The following C10orf90 variants were observed in gnomAD, a reference collection of about 807,000 sequenced individuals.
C10orf90 encodes (E2-independent) E3 ubiquitin-conjugating enzyme FATS.
C10orf90 carries 56 observed loss-of-function variants against 62.5 expected under a neutral mutation model. The ratio of observed to expected loss-of-function variants is 0.90; its 90% CI spans 0.72 to 1.12. The LOEUF is 1.12. Among genes scored for constraint, C10orf90 ranks in the 50% most tolerant of loss-of-function variants. The probability of loss-of-function intolerance (pLI) is 0.00; values close to 1 mark genes in which losing one functional copy is unlikely to be tolerated. For synonymous variants in C10orf90, 386 were observed against 340.4 expected (o/e 1.13, Z -1.47); for missense variants, 970 against 880.4 (o/e 1.10, Z -1.29).
In C10orf90 at chr10:126,596,138, T is replaced by TAAA. The variant is rs34919079; in HGVS notation, c.313+50424_313+50426dup. 4.1e-3 allele frequency among the ~76,000 whole-genome samples: 519 copies of TAAA among 126,624 alleles called. 5 individuals are homozygous for TAAA. Among genetic ancestry groups the TAAA allele is most frequent in the African/African-American group, 0.014 (495 of 34,360 alleles). 83.1% of individuals were successfully genotyped at this position (126,624 alleles called of 152,430 possible). A position where few individuals can be genotyped will look rare whatever the true frequency, so the allele number is the denominator to read the frequency against. On this transcript the variant is annotated intron_variant, in intron 2 of 9. Transcript: ENST00000488181. The stretch of plus-strand genomic sequence containing the variant: ...ACATAGTGAGACCCTATCTCTTATT[T>TAAA]AAAAAAAAAAAAAAAAAAGCCAGGC...
chr10:126,579,277 T>TTC (rs1171685016), intron 2 of C10orf90, among the ~76,000 whole-genome samples: 54 of 70,844 alleles, frequency 7.6e-4, no homozygotes, highest in African/African-American at 1.9e-3. Flanking sequence ...CTTTCTTTCT[T>TTC]TTTTTTTTTT....
At chr10:126,650,736 AG>A (rs761493326) in intron 1 of C10orf90, among the ~76,000 whole-genome samples, 19 of 152,218 alleles carry the variant, frequency 1.2e-4, no homozygotes, top group African/African-American at 1.9e-4. Flanking sequence ...ATTCCCTGAA[AG>A]GTGGTGACTA....
rs116037959 is a variant in C10orf90 at position 126,507,434 on chromosome 10, C to A, written c.406-2349G>T. Among the ~76,000 whole-genome samples, 981 of 143,300 alleles carry A rather than the reference C, an allele frequency of 6.8e-3. 11 individuals are homozygous for A. Among genetic ancestry groups the A allele is most frequent in the African/African-American group, 0.024 (915 of 38,340 alleles). 94.0% of individuals were successfully genotyped at this position (143,300 alleles called of 152,430 possible). On this transcript the variant is annotated intron_variant, in intron 3 of 9. Transcript: ENST00000488181. ...AGATGAGTGAAAAAGAAGAAATAGACAGGAGAGTCATTTTAAAATTTACTT... is the reference window on the plus strand; with the variant it reads ...AGATGAGTGAAAAAGAAGAAATAGAAAGGAGAGTCATTTTAAAATTTACTT...
intron 7 of C10orf90, among the ~76,000 whole-genome samples, chr10:126,448,282 G>T (rs1858932712): frequency 1.3e-5 from 2 of 151,640 alleles, no homozygotes; most frequent in African/African-American, 4.8e-5. Context: ...AACAACCAAT[G>T]GGTCAAGGAA....
At chr10:126,508,855 C>T (rs1006277444) in intron 3 of C10orf90, among the ~76,000 whole-genome samples, 2 of 152,208 alleles carry the variant, frequency 1.3e-5, no homozygotes, top group African/African-American at 4.8e-5. Context: ...CACCATGACA[C>T]CCATGAGATT....
At chr10:126,434,690 T>C (rs1379957843) in intron 7 of C10orf90, among the ~76,000 whole-genome samples, 5 of 152,154 alleles carry the variant, frequency 3.3e-5, no homozygotes, top group African/African-American at 1.2e-4. Context: ...AGAATGGAAA[T>C]GGGTTGTGTT....
intron 2 of C10orf90, among the ~76,000 whole-genome samples, chr10:126,626,651 T>C (rs372445192): frequency 1.3e-3 from 200 of 152,344 alleles, no homozygotes; most frequent in African/African-American, 4.4e-3. Flanking sequence ...CTTTGAACTA[T>C]TGTGCTGAAG....
intron 2 of C10orf90, among the ~76,000 whole-genome samples, chr10:126,645,681 T>C (rs1214661622): frequency 5.9e-5 from 9 of 152,118 alleles, no homozygotes; most frequent in Admixed American, 3.9e-4. Flanking sequence ...GTAATGTTTT[T>C]GTCTTGGGTT....
chr10:126,458,297 C>T (rs932412038), intron 7 of C10orf90, among the ~76,000 whole-genome samples: 2 of 152,214 alleles, frequency 1.3e-5, no homozygotes, highest in Non-Finnish European at 2.9e-5. Context: ...AGAAAGTTCT[C>T]ATTCCTCTAT....
chr10:126,638,112 G>T (rs1274947029), intron 2 of C10orf90, among the ~76,000 whole-genome samples: 1 of 152,184 alleles, frequency 6.6e-6, no homozygotes, highest in Non-Finnish European at 1.5e-5. Flanking sequence ...CCTGAGTTCA[G>T]AGCGATGGCG....
intron 2 of C10orf90, among the ~76,000 whole-genome samples, chr10:126,522,094 C>T (rs1863769987): frequency 6.6e-6 from 1 of 152,028 alleles, no homozygotes; most frequent in African/African-American, 2.4e-5. Flanking sequence ...CATGGAGAAA[C>T]CCCATCTCTA....
At chr10:126,432,008 G>T (rs1857600936) in intron 7 of C10orf90, among the ~76,000 whole-genome samples, 2 of 152,156 alleles carry the variant, frequency 1.3e-5, no homozygotes, top group South Asian at 4.2e-4. Context: ...GTCCAAGGGG[G>T]CTTCCCCTGC....
chr10:126,585,919 A>G (rs920943303), intron 2 of C10orf90, among the ~76,000 whole-genome samples: 10 of 152,162 alleles, frequency 6.6e-5, no homozygotes, highest in Non-Finnish European at 1.5e-4. Flanking sequence ...CAGAATAAGA[A>G]GTCTTCCAGG....
intron 2 of C10orf90, among the ~76,000 whole-genome samples, chr10:126,600,057 G>A (rs1845166356): frequency 6.6e-6 from 1 of 152,264 alleles, no homozygotes; most frequent in South Asian, 2.1e-4. Flanking sequence ...AGAGGGCTCA[G>A]TTAATGAGAA....
At chr10:126,465,374 G>A (rs931483030) in intron 4 of C10orf90, among the ~76,000 whole-genome samples, 8 of 151,400 alleles carry the variant, frequency 5.3e-5, no homozygotes, top group African/African-American at 1.9e-4. Flanking sequence ...TTAGGTTTCT[G>A]TAATCAGTTT....
At chr10:126,445,826 T>TATACAC (rs57867349) in intron 7 of C10orf90, among the ~76,000 whole-genome samples, 18 of 144,824 alleles carry the variant, frequency 1.2e-4, no homozygotes, top group Middle Eastern at 3.6e-3. Flanking sequence ...TATATATATA[T>TATACAC]ACAATGGAAT....
chr10:126,566,798 C>T (rs987042649), intron 2 of C10orf90, among the ~76,000 whole-genome samples: 23 of 152,024 alleles, frequency 1.5e-4, no homozygotes, highest in African/African-American at 4.4e-4. Context: ...GCGGAGGCAG[C>T]GAGACCAGTT....
rs565495198 is a variant in C10orf90 at position 126,521,212 on chromosome 10, C to T, written c.314-7273G>A. On this transcript the variant is annotated intron_variant, in intron 2 of 9. Transcript: ENST00000488181. ...CCCTGGGGCCTCATACAGTACTGGG[C>T]CCAGAAGATACTCAGCGTGGACAGA... The T allele has an allele frequency of 1.1e-5, 16 of 1,485,646 alleles. No individual in the cohort carries two copies. The African/African-American group carries it at 2.1e-4, about 20-fold the overall frequency. The allele number at this position is 1,485,646 out of a possible 1,614,324, so 92.0% of individuals were successfully genotyped here. A position where few individuals can be genotyped will look rare whatever the true frequency, so the allele number is the denominator to read the frequency against.
intron 7 of C10orf90, among the ~76,000 whole-genome samples, chr10:126,433,272 A>G (rs749708790): frequency 1.1e-4 from 17 of 152,186 alleles, no homozygotes; most frequent in Non-Finnish European, 2.1e-4. Flanking sequence ...AAGAGCTCAG[A>G]GCCCAGGATG....
Sources: allele counts gnomAD v4.1 joint callset (sites outside exome capture counted in the v4.1 genomes callset), GRCh38; gene constraint gnomAD v4.1.1; transcripts MANE v1.5; gene names NCBI Gene and HGNC (gene_info 2026-07-23, HGNC 2026-07-21).